Variants in ZBTB16 observed in about 807,000 individuals in gnomAD.
The protein encoded by ZBTB16 is zinc finger and BTB domain containing 16, also known as zinc finger and BTB domain-containing protein 16.
In ZBTB16, 8 loss-of-function variants were observed where a neutral mutation model predicts 56.8. The observed-to-expected ratio is 0.14, with a 90% confidence interval of 0.08 to 0.25. ZBTB16 has a LOEUF of 0.25. Ranked by LOEUF, ZBTB16 falls within the 10% of genes least tolerant of loss-of-function variation. The pLI, the probability that ZBTB16 is intolerant of heterozygous loss-of-function variation, is 1.00. For missense variants in ZBTB16, 625 were observed against 903.0 expected (o/e 0.69, Z 3.95); for synonymous variants, 363 against 368.5 (o/e 0.98, Z 0.17).
At chr11:114,233,353 T>C (rs1365482920) in intron 4 of ZBTB16, among the ~76,000 whole-genome samples, 1 of 151,926 alleles carries the variant, frequency 6.6e-6, no homozygotes, top group Non-Finnish European at 1.5e-5. Flanking sequence ...ATTAGTTCCA[T>C]ATCTGATGCT....
chr11:114,084,802 A>G (rs1264547117), intron 2 of ZBTB16, among the ~76,000 whole-genome samples: 1 of 152,252 alleles, frequency 6.6e-6, no homozygotes, highest in Non-Finnish European at 1.5e-5. Context: ...GTCAATGTTT[A>G]GATGAGCTGC....
At chr11:114,247,614 A>G (rs913288796) in intron 6 of ZBTB16, among the ~76,000 whole-genome samples, 1 of 152,206 alleles carries the variant, frequency 6.6e-6, no homozygotes. Context: ...GTGAGCCCCC[A>G]TCAGCCCTCC....
At position 114,252,764 on chromosome 11, in the gene ZBTB16, G is replaced by T. The variant is rs1433288746; in HGVS notation, c.*2209G>T. ...GAATGTAGGGAAGCCGGAGGGATGG[G>T]TGCTGCTGCGACGACCCCCCCGTCC... is the stretch of plus-strand genomic sequence containing the variant. On this transcript the variant is annotated 3_prime_UTR_variant, in exon 7 of 7. Coordinates refer to ENST00000335953, the MANE Select transcript of ZBTB16 (RefSeq NM_006006.6). Among the ~76,000 whole-genome samples, 1 of 152,130 alleles carries T rather than the reference G, an allele frequency of 6.6e-6. No homozygotes were observed. The highest frequency in any genetic ancestry group is 2.4e-5 in the African/African-American group (1 of 41,414).
intron 4 of ZBTB16, among the ~76,000 whole-genome samples, chr11:114,219,548 T>C (rs12296048): frequency 0.08 from 12,137 of 152,066 alleles, 1,656 homozygotes; most frequent in African/African-American, 0.28. Flanking sequence ...AGGTCACTCA[T>C]TCTTACTGCA....
At chr11:114,205,493 G>A (rs2135115882) in intron 4 of ZBTB16, among the ~76,000 whole-genome samples, 1 of 152,192 alleles carries the variant, frequency 6.6e-6, no homozygotes, top group South Asian at 2.1e-4. Flanking sequence ...CAGACGCAAT[G>A]TTCCCTGCCC....
At chr11:114,086,823 G>A (rs1939971771) in intron 2 of ZBTB16, among the ~76,000 whole-genome samples, 1 of 152,176 alleles carries the variant, frequency 6.6e-6, no homozygotes, top group African/African-American at 2.4e-5. Flanking sequence ...TAGTTCTCAA[G>A]AGCACTGTAT....
intron 2 of ZBTB16, among the ~76,000 whole-genome samples, chr11:114,082,293 C>A (rs1939794456): frequency 6.6e-6 from 1 of 151,896 alleles, no homozygotes; most frequent in Non-Finnish European, 1.5e-5. Context: ...TTCAACACAA[C>A]AACAACAACA....
At chr11:114,080,883 G>A (rs1350621043) in intron 2 of ZBTB16, among the ~76,000 whole-genome samples, 2 of 152,200 alleles carry the variant, frequency 1.3e-5, no homozygotes, top group Non-Finnish European at 2.9e-5. Context: ...CTTGCCACCT[G>A]TTGAGGAAGG....
At chr11:114,072,433 C>T (rs1204884507) in intron 2 of ZBTB16, among the ~76,000 whole-genome samples, 6 of 152,156 alleles carry the variant, frequency 3.9e-5, no homozygotes, top group Admixed American at 6.5e-5. Context: ...TGCCTGTGCA[C>T]GTGGCCAGGC....
intron 4 of ZBTB16, among the ~76,000 whole-genome samples, chr11:114,206,225 A>AT (rs1943868798): frequency 6.6e-6 from 1 of 152,216 alleles, no homozygotes; most frequent in African/African-American, 2.4e-5. Context: ...GACACTAATT[A>AT]GGGGTCCTAG....
intron 3 of ZBTB16, among the ~76,000 whole-genome samples, chr11:114,176,186 C>A (rs2135027083): frequency 6.6e-6 from 1 of 152,228 alleles, no homozygotes; most frequent in Admixed American, 6.5e-5. Context: ...AGAAACTTCT[C>A]TTTTCATTCT....
chr11:114,249,494 G>A (rs1329426897), intron 6 of ZBTB16, among the ~76,000 whole-genome samples: 20 of 142,370 alleles, frequency 1.4e-4, no homozygotes, highest in Middle Eastern at 3.6e-3. Context: ...GGCCGGGCGC[G>A]GTGGCTCACG....
chr11:114,232,848 G>A (rs1186593533), intron 4 of ZBTB16, among the ~76,000 whole-genome samples: 4 of 152,158 alleles, frequency 2.6e-5, no homozygotes, highest in Non-Finnish European at 4.4e-5. Context: ...CGCCCCCAGC[G>A]GGTGCTGCTT....
At chr11:114,176,288 G>A (rs17417498) in intron 3 of ZBTB16, among the ~76,000 whole-genome samples, 3,839 of 152,202 alleles carry the variant, frequency 0.025, 73 homozygotes, top group Non-Finnish European at 0.038. Context: ...TAAAATCATG[G>A]CAGAAACCCT....
chr11:114,150,655 G>A (rs1942257681), intron 2 of ZBTB16, among the ~76,000 whole-genome samples: 1 of 152,148 alleles, frequency 6.6e-6, no homozygotes, highest in African/African-American at 2.4e-5. Context: ...TTTGTCATTT[G>A]AATTAAAGGT....
intron 4 of ZBTB16, among the ~76,000 whole-genome samples, chr11:114,223,960 AG>A (rs1944285157): frequency 6.6e-6 from 1 of 152,112 alleles, no homozygotes. Flanking sequence ...AGTGGGGAGG[AG>A]GGCTAAGATC....
At chr11:114,119,204 GC>G (rs1336971577) in intron 2 of ZBTB16, among the ~76,000 whole-genome samples, 2 of 133,976 alleles carry the variant, frequency 1.5e-5, no homozygotes, top group African/African-American at 5.6e-5. Flanking sequence ...GGCAGAGGTT[GC>G]AGTGAGCCGA....
intron 2 of ZBTB16, among the ~76,000 whole-genome samples, chr11:114,083,884 A>G (rs1358773909): frequency 1.3e-5 from 2 of 151,936 alleles, no homozygotes; most frequent in African/African-American, 2.4e-5. Context: ...TTTCTCTTCT[A>G]TGATTTTAGT....
intron 2 of ZBTB16, among the ~76,000 whole-genome samples, chr11:114,126,081 C>T (rs1941501034): frequency 6.6e-6 from 1 of 152,134 alleles, no homozygotes; most frequent in South Asian, 2.1e-4. Flanking sequence ...AATGTGTCCT[C>T]CTAGATGGAA....
Sources: allele counts gnomAD v4.1 joint callset (sites outside exome capture counted in the v4.1 genomes callset), GRCh38; gene constraint gnomAD v4.1.1; transcripts MANE v1.5; gene names NCBI Gene and HGNC (gene_info 2026-07-23, HGNC 2026-07-21).